The following KCTD8 variants were observed in gnomAD, a reference collection of about 807,000 sequenced individuals.
KCTD8 encodes potassium channel tetramerization domain containing 8, also known as BTB/POZ domain-containing protein KCTD8.
A neutral mutation model predicts 31.5 loss-of-function variants in KCTD8; 27 were observed. The ratio of observed to expected loss-of-function variants is 0.86; its 90% CI spans 0.63 to 1.18. KCTD8 has a LOEUF of 1.18. Ranked by LOEUF, KCTD8 falls within the 50% of genes most tolerant of loss-of-function variation. The probability of loss-of-function intolerance (pLI) is 0.00; values close to 1 mark genes in which losing one functional copy is unlikely to be tolerated. For synonymous variants in KCTD8, 290 were observed against 280.0 expected (o/e 1.04, Z -0.36); for missense variants, 658 against 647.7 (o/e 1.02, Z -0.17).
At chr4:44,260,536 A>C (rs1187486788) in intron 1 of KCTD8, among the ~76,000 whole-genome samples, 1 of 152,032 alleles carries the variant, frequency 6.6e-6, no homozygotes, top group Non-Finnish European at 1.5e-5. Flanking sequence ...GGGTGGTCAC[A>C]GAATGTTCTT....
intron 1 of KCTD8, among the ~76,000 whole-genome samples, chr4:44,192,854 C>A (rs1373481147): frequency 6.6e-6 from 1 of 152,192 alleles, no homozygotes; most frequent in African/African-American, 2.4e-5. Flanking sequence ...AGAGATTAGA[C>A]TGGCTTAGCC....
At chr4:44,442,600 T>A (rs1376069854) in intron 1 of KCTD8, among the ~76,000 whole-genome samples, 2 of 151,920 alleles carry the variant, frequency 1.3e-5, no homozygotes, top group Non-Finnish European at 2.9e-5. Flanking sequence ...AAATAAAAAA[T>A]TTAAAAACTT....
chr4:44,311,780 T>C (rs1717959087), intron 1 of KCTD8, among the ~76,000 whole-genome samples: 1 of 151,630 alleles, frequency 6.6e-6, no homozygotes, highest in Non-Finnish European at 1.5e-5. Flanking sequence ...CTCCGTGGCT[T>C]GATTGGATCG....
intron 1 of KCTD8, among the ~76,000 whole-genome samples, chr4:44,272,811 A>C (rs1388652878): frequency 6.6e-6 from 1 of 152,078 alleles, no homozygotes; most frequent in Non-Finnish European, 1.5e-5. Flanking sequence ...GAACTACTGA[A>C]ATCCACTTAT....
chr4:44,329,190 C>A (rs1287748192), intron 1 of KCTD8, among the ~76,000 whole-genome samples: 1 of 150,902 alleles, frequency 6.6e-6, no homozygotes, highest in East Asian at 1.9e-4. Context: ...TAAAAAACAA[C>A]CTCGCTGGGG....
intron 1 of KCTD8, among the ~76,000 whole-genome samples, chr4:44,361,329 T>C (rs967261370): frequency 2.0e-5 from 3 of 152,078 alleles, no homozygotes; most frequent in African/African-American, 7.2e-5. Context: ...TAGTATATTA[T>C]AAGATAATAT....
At chr4:44,324,381 C>T (rs1401092785) in intron 1 of KCTD8, among the ~76,000 whole-genome samples, 1 of 151,880 alleles carries the variant, frequency 6.6e-6, no homozygotes, top group African/African-American at 2.4e-5. Flanking sequence ...TGATATTTTA[C>T]TGTCTTCAGT....
intron 1 of KCTD8, among the ~76,000 whole-genome samples, chr4:44,294,450 T>A (rs925247767): frequency 6.6e-6 from 1 of 152,200 alleles, no homozygotes; most frequent in African/African-American, 2.4e-5. Flanking sequence ...TATCTATGCA[T>A]TTCTCATGCC....
At chr4:44,445,729 A>G (rs1207536044) in intron 1 of KCTD8, among the ~76,000 whole-genome samples, 1 of 152,160 alleles carries the variant, frequency 6.6e-6, no homozygotes, top group Non-Finnish European at 1.5e-5. Flanking sequence ...TCATGCTTGT[A>G]TCTTCTCTAA....
At chr4:44,196,472 G>C (rs7668616) in intron 1 of KCTD8, among the ~76,000 whole-genome samples, 31,069 of 152,136 alleles carry the variant, frequency 0.2, 3,378 homozygotes, top group South Asian at 0.32. Flanking sequence ...TGGAGAAGGG[G>C]GTTCAAGATA....
chr4:44,343,053 G>T (rs1180828659), intron 1 of KCTD8, among the ~76,000 whole-genome samples: 5 of 152,202 alleles, frequency 3.3e-5, no homozygotes, highest in Non-Finnish European at 5.9e-5. Context: ...CAGTGGAGTT[G>T]CACTTTTACT....
chr4:44,435,466 T>A (rs142523914), intron 1 of KCTD8, among the ~76,000 whole-genome samples: 4 of 151,862 alleles, frequency 2.6e-5, no homozygotes, highest in African/African-American at 9.7e-5. Context: ...TTCAACAATA[T>A]AAATATTCTC....
At chr4:44,194,564 T>G (rs1012807357) in intron 1 of KCTD8, among the ~76,000 whole-genome samples, 6 of 152,140 alleles carry the variant, frequency 3.9e-5, no homozygotes, top group Non-Finnish European at 8.8e-5. Context: ...CTGGTATGAC[T>G]CATGTGACTC....
intron 1 of KCTD8, among the ~76,000 whole-genome samples, chr4:44,234,447 A>T (rs1386800581): frequency 6.6e-6 from 1 of 152,202 alleles, no homozygotes; most frequent in African/African-American, 2.4e-5. Context: ...TTGACAGATA[A>T]GTATCAAAAG....
intron 1 of KCTD8, among the ~76,000 whole-genome samples, chr4:44,232,667 T>C (rs929572834): frequency 1.3e-5 from 2 of 152,136 alleles, no homozygotes; most frequent in African/African-American, 4.8e-5. Context: ...AATAAATAGA[T>C]TGAGCTATTA....
chr4:44,327,696 T>G (rs993049669), intron 1 of KCTD8, among the ~76,000 whole-genome samples: 1 of 151,962 alleles, frequency 6.6e-6, no homozygotes, highest in East Asian at 1.9e-4. Flanking sequence ...AAACCTTTTC[T>G]GTATGCATAT....
At chr4:44,180,829 T>C (rs1002199879) in intron 1 of KCTD8, among the ~76,000 whole-genome samples, 1 of 152,142 alleles carries the variant, frequency 6.6e-6, no homozygotes, top group African/African-American at 2.4e-5. Context: ...CTAAATGATA[T>C]AATGAATAGG....
intron 1 of KCTD8, among the ~76,000 whole-genome samples, chr4:44,296,175 C>A (rs982875815): frequency 1.3e-5 from 2 of 152,174 alleles, no homozygotes; most frequent in African/African-American, 4.8e-5. Context: ...TAGACACATA[C>A]AGCATGAAAT....
chr4:44,269,287 G>A (rs1687766381), intron 1 of KCTD8, among the ~76,000 whole-genome samples: 2 of 152,116 alleles, frequency 1.3e-5, no homozygotes, highest in African/African-American at 4.8e-5. Context: ...CAAGCAATGG[G>A]GAAAGGATTT....
Sources: allele counts gnomAD v4.1 joint callset (sites outside exome capture counted in the v4.1 genomes callset), GRCh38; gene constraint gnomAD v4.1.1; transcripts MANE v1.5; gene names NCBI Gene and HGNC (gene_info 2026-07-23, HGNC 2026-07-21).